Variants in PCNT observed in about 807,000 individuals in gnomAD.
PCNT encodes the protein kendrin.
A neutral mutation model predicts 380.4 loss-of-function variants in PCNT; 319 were observed. The observed-to-expected ratio is 0.84, with a 90% CI of 0.77 to 0.92. The LOEUF is 0.92. PCNT is among the 40% of genes least tolerant of loss of function. The pLI, the probability that PCNT is intolerant of heterozygous loss-of-function variation, is 0.00. For missense variants in PCNT, 4,400 were observed against 4,255.3 expected, an observed-to-expected ratio of 1.03 and a Z score of -0.95; for synonymous variants, 1,845 against 1,735.2, an observed-to-expected ratio of 1.06 and a Z score of -1.57.
chr21:46,436,583 T>A (rs1476826516), intron 39 of PCNT, among the ~76,000 whole-genome samples: 1 of 151,610 alleles, frequency 6.6e-6, no homozygotes, highest in African/African-American at 2.4e-5. Context: ...AATGTTTGTC[T>A]TTTTCCCTAT....
intron 2 of PCNT, among the ~76,000 whole-genome samples, chr21:46,330,148 T>G (rs2083511799): frequency 6.6e-6 from 1 of 152,130 alleles, no homozygotes; most frequent in Admixed American, 6.6e-5. Flanking sequence ...GATAGGGTCT[T>G]GTTTTCTTGA....
intron 15 of PCNT, among the ~76,000 whole-genome samples, chr21:46,368,742 G>T (rs2085016859): frequency 6.6e-6 from 1 of 152,244 alleles, no homozygotes; most frequent in Non-Finnish European, 1.5e-5. Flanking sequence ...CATAGGCCTG[G>T]CTGCACGGTG....
Position 46,432,083 on chromosome 21 carries a change from A to G in PCNT, c.8619A>G (p.Ala2873=). The G allele has an allele frequency of 6.2e-7, 1 of 1,614,142 alleles. No individual in the cohort carries two copies. ...REREKPAWLQ[A]ELEQSHPRLK... ...GGGAGAAACCAGCGTGGTTGCAGGC[A>G]GAATTAGAGCAGTCACACCCACGGT... The change falls in exon 38 of 47, where the codon GCA becomes GCG. Residue 2873 remains alanine (A), a synonymous_variant. Transcript: ENST00000359568.
intron 16 of PCNT, among the ~76,000 whole-genome samples, chr21:46,383,695 C>T (rs865946467): frequency 4.7e-3 from 674 of 144,122 alleles, no homozygotes; most frequent in Non-Finnish European, 7.6e-3. Flanking sequence ...TATTCAGTGG[C>T]GGAAGCGCAT....
intron 15 of PCNT, among the ~76,000 whole-genome samples, chr21:46,378,597 GT>G (rs2147101524): frequency 6.6e-6 from 1 of 152,278 alleles, no homozygotes; most frequent in East Asian, 1.9e-4. Flanking sequence ...GGGGCAGGCA[GT>G]TTAACACTCA....
Position 46,397,478 on chromosome 21 carries a change from A to C in PCNT, c.4430A>C (p.Gln1477Pro), listed in dbSNP as rs776661462. The C allele has an allele frequency of 6.2e-7, 1 of 1,613,950 alleles. No homozygotes were observed. The highest frequency in any genetic ancestry group is 8.5e-7 in the Non-Finnish European group (1 of 1,179,818). The part of the protein sequence containing the change: ...VASLDKHLRN[Q>P]RQFMDEQAAE... The stretch of plus-strand genomic sequence containing the variant: ...TCTCTGGACAAGCATTTGCGCAACC[A>C]GCGGCAATTCATGGATGTAAGAATT... The change falls in exon 22 of 47, where the codon CAG (glutamine) becomes CCG (proline). Residue 1477 changes from glutamine to proline, a missense_variant. Physicochemically the swap from Gln to Pro is moderately conservative, Grantham distance 76. Transcript: ENST00000359568.
At chr21:46,337,957 T>C (rs2083804085) in intron 3 of PCNT, among the ~76,000 whole-genome samples, 1 of 151,976 alleles carries the variant, frequency 6.6e-6, no homozygotes, top group South Asian at 2.1e-4. Flanking sequence ...CACTACAGCC[T>C]TGAACTCCTA....
In PCNT at chr21:46,436,025, G is replaced by C; in HGVS notation, c.8873G>C (p.Arg2958Pro). 1 of 1,614,048 alleles carries C rather than the reference G, an allele frequency of 6.2e-7. No homozygotes were observed. The highest frequency in any genetic ancestry group is 1.1e-5 in the South Asian group (1 of 91,092). The change falls in exon 39 of 47, where the codon CGC becomes CCC. Residue 2958 changes from arginine (R) to proline (P), a missense_variant. Coordinates refer to ENST00000359568, the MANE Select transcript of PCNT (RefSeq NM_006031.6). Reference sequence around the variant, plus strand: ...AGCCGCCTCCACCTAGGTTCTGCCCGCAGGGCTGCCGGCTCGGATGCGGAC... The same window carrying C: ...AGCCGCCTCCACCTAGGTTCTGCCCCCAGGGCTGCCGGCTCGGATGCGGAC... ...PGSRLHLGSA[R>P]RAAGSDADHL...
rs1214046921 is a variant in PCNT at position 46,354,079 on chromosome 21, G to A, written c.1761+11G>A. ...CCTGAGCGACATAAGGTAATTGGCC[G>A]CGCGCTGAGAAGTGGGGGAGTCCTG... On this transcript the variant is annotated intron_variant, in intron 11 of 46. Coordinates refer to ENST00000359568, the MANE Select transcript of PCNT (RefSeq NM_006031.6). 11 of 1,612,014 alleles carry A rather than the reference G, an allele frequency of 6.8e-6. No homozygotes were observed. The highest frequency in any genetic ancestry group is 1.7e-4 in the Middle Eastern group (1 of 6,060).
chr21:46,357,005 G>A lies in PCNT; in HGVS notation c.1968G>A (p.Gln656=). 1 of 1,614,210 alleles carries A rather than the reference G, an allele frequency of 6.2e-7. No individual in the cohort carries two copies. The highest frequency in any genetic ancestry group is 2.2e-5 in the East Asian group (1 of 44,890). Residue 656 remains glutamine, a synonymous_variant, in exon 13 of 47, where the codon CAG becomes CAA. Coordinates refer to ENST00000359568, the MANE Select transcript of PCNT (RefSeq NM_006031.6). The part of the protein sequence containing the change: ...ELPWVHLQGV[Q]DGDLEADTER... ...CCTGGGTGCATCTCCAGGGTGTGCA[G>A]GACGGGGACTTGGAGGCCGACACAG... is the stretch of plus-strand genomic sequence containing the variant.
intron 41 of PCNT, 45 bp downstream of exon 41, chr21:46,438,382 C>T: frequency 1.3e-6 from 2 of 1,581,164 alleles, no homozygotes; most frequent in Non-Finnish European, 1.7e-6. Flanking sequence ...CCTAACCCAC[C>T]ATGGTCCAGA....
intron 29 of PCNT, among the ~76,000 whole-genome samples, chr21:46,414,863 TCC>T (rs1371377969): frequency 1.3e-4 from 20 of 151,046 alleles, no homozygotes; most frequent in African/African-American, 4.6e-4. Context: ...CCTACCCTCC[TCC>T]TGCTGGACAC....
rs763356712 is a variant in PCNT, at chr21:46,351,534, T to C, written c.1450T>C (p.Leu484=). The change falls in exon 9 of 47, where the codon TTG becomes CTG. Residue 484 remains leucine, a synonymous_variant. Transcript: ENST00000359568. ...TTCTGCCAGGACCAGTAGACAGGAA[T>C]TGAGTGGTGAGGAATTGTATTGGAA... is the stretch of plus-strand genomic sequence containing the variant. ...LDSARTSRQE[L]SELHEQLLAR... 6.3e-7 allele frequency: 1 copy of C among 1,580,792 alleles called. No homozygotes were observed. The highest frequency in any genetic ancestry group is 8.7e-7 in the Non-Finnish European group (1 of 1,149,630).
At chr21:46,387,142 C>T (rs553829726) in intron 17 of PCNT, among the ~76,000 whole-genome samples, 7 of 152,200 alleles carry the variant, frequency 4.6e-5, no homozygotes, top group East Asian at 1.9e-4. Flanking sequence ...GAGACCAGGT[C>T]GGGCTTATGG....
Position 46,359,491 on chromosome 21 carries a change from G to GTTTTTTTTTTTTTTTTTTT in PCNT, c.2154+2316_2154+2317insTTTTTTTTTTTTTTTTTTT, listed in dbSNP as rs1219693835. On this transcript the variant is annotated intron_variant, in intron 13 of 46. Coordinates refer to ENST00000359568, the MANE Select transcript of PCNT (RefSeq NM_006031.6). Reference sequence around the variant, plus strand: ...CCAAAAATACACCTGTTTTTTTTTTGTTTTTTTTTTTTTTTTGAGACAGTG... The same window carrying GTTTTTTTTTTTTTTTTTTT: ...CCAAAAATACACCTGTTTTTTTTTTGTTTTTTTTTTTTTTTTTTTTTTTTTTTTTTTTTTTGAGACAGTG... Among the ~76,000 whole-genome samples, 23 of 66,074 alleles carry GTTTTTTTTTTTTTTTTTTT rather than the reference G, an allele frequency of 3.5e-4. 2 individuals are homozygous for GTTTTTTTTTTTTTTTTTTT. The highest frequency in any genetic ancestry group is 5.6e-4 in the East Asian group (1 of 1,788). The allele number at this position is 66,074 out of a possible 152,430, so 43.3% of individuals were successfully genotyped here.
At chr21:46,363,962 T>C in intron 14 of PCNT, 28 bp downstream of exon 14, 1 of 1,586,456 alleles carries the variant, frequency 6.3e-7, no homozygotes, top group Non-Finnish European at 8.6e-7. Context: ...CCATCTGCAG[T>C]CCCTGTGAGG....
chr21:46,430,315 C>CAGAG, intron 36 of PCNT, 83 bp downstream of exon 36: 1 of 1,448,166 alleles, frequency 6.9e-7, no homozygotes, highest in Non-Finnish European at 9.5e-7. Flanking sequence ...GGAGACAGAA[C>CAGAG]CTCTGGTGGG....
Position 46,389,326 on chromosome 21 carries a change from C to A in PCNT, c.3735C>A (p.Ser1245Arg), listed in dbSNP as rs200910675. Residue 1245 changes from serine (S) to arginine (R), a missense_variant, in exon 19 of 47, where the codon AGC (serine) becomes AGA (arginine). Ser to Arg is a moderately radical substitution (Grantham distance 110, BLOSUM62 -1). Transcript: ENST00000359568. ...ACATGCGTGAAAGCTTTCTCATGAG[C>A]CCAGAAAGTGTGCGGGAGTGTGAGC... ...SSHMRESFLMSPESVRECEQP... is the reference protein window; with the variant it reads ...SSHMRESFLMRPESVRECEQP... The A allele has an allele frequency of 4.0e-5, 65 of 1,614,232 alleles. No homozygotes were observed. The East Asian group carries it at 1.4e-3, about 34-fold the overall frequency.
chr21:46,353,715 GGTGTGTGTGTGTGTGT>G (rs72175446), intron 10 of PCNT, among the ~76,000 whole-genome samples: 7 of 128,962 alleles, frequency 5.4e-5, no homozygotes, highest in South Asian at 5.3e-4. Context: ...CTCTCCTCCA[GGTGTGTGTGTGTGTGT>G]GTGTGTGTGT....
Sources: gnomAD v4.1 joint callset for allele counts (sites outside exome capture counted in the v4.1 genomes callset) on GRCh38, gnomAD v4.1.1 for gene constraint, MANE v1.5 for transcripts, NCBI Gene and HGNC (gene_info 2026-07-23, HGNC 2026-07-21) for gene names.